The following FNIP1 variants were observed in gnomAD, a reference collection of about 807,000 sequenced individuals.
FNIP1 encodes folliculin interacting protein 1.
A neutral mutation model predicts 124.5 loss-of-function variants in FNIP1; 40 were observed. The ratio of observed to expected loss-of-function variants is 0.32; its 90% CI spans 0.25 to 0.42. The LOEUF (loss-of-function observed/expected upper bound fraction) is 0.42, where lower values mean the gene tolerates loss of function less well. Ranked by LOEUF, FNIP1 falls within the 10% of genes least tolerant of loss-of-function variation. FNIP1 has a pLI of 1.00. For synonymous variants in FNIP1, 472 were observed against 470.6 expected (o/e 1.00, Z -0.04); for missense variants, 1,176 against 1,403.7 (o/e 0.84, Z 2.59).
chr5:131,752,647 A>G (rs1770915558), intron 1 of FNIP1, among the ~76,000 whole-genome samples: 1 of 152,224 alleles, frequency 6.6e-6, no homozygotes, highest in Non-Finnish European at 1.5e-5. Context: ...GCAGTAAGCA[A>G]TAAACAATCC....
In FNIP1 at chr5:131,660,921, A is replaced by G. The variant is rs559835857; in HGVS notation, c.3109-8922T>C. 1.1e-4 allele frequency among the ~76,000 whole-genome samples: 16 copies of G among 152,170 alleles called. No homozygotes were observed. In the South Asian group the frequency reaches 3.3e-3, roughly 32 times the overall value. On this transcript the variant is annotated intron_variant, in intron 15 of 17. Coordinates refer to ENST00000510461, the MANE Select transcript of FNIP1 (RefSeq NM_133372.3). ...CTGCTGACCCATGGTGCATGGATTC[A>G]ATTGCAGTAGAGAAATTGTTCCTGT...
chr5:131,669,238 G>A (rs1269146058), intron 15 of FNIP1, among the ~76,000 whole-genome samples: 1 of 152,118 alleles, frequency 6.6e-6, no homozygotes, highest in East Asian at 1.9e-4. Context: ...TAAAAGCCTG[G>A]ATGCAGATGG....
intron 1 of FNIP1, among the ~76,000 whole-genome samples, chr5:131,787,167 C>A (rs1772244144): frequency 1.3e-5 from 2 of 152,202 alleles, no homozygotes; most frequent in Admixed American, 1.3e-4. Context: ...CTAAGCCAAT[C>A]AGGTCATGAT....
chr5:131,711,079 A>G (rs1350774234), intron 6 of FNIP1, among the ~76,000 whole-genome samples: 1 of 152,230 alleles, frequency 6.6e-6, no homozygotes, highest in African/African-American at 2.4e-5. Flanking sequence ...TGTGCCTACA[A>G]CTGCAGCGAG....
chr5:131,704,719 G>C (rs1371945497), intron 9 of FNIP1, among the ~76,000 whole-genome samples: 1 of 152,066 alleles, frequency 6.6e-6, no homozygotes, highest in Non-Finnish European at 1.5e-5. Flanking sequence ...ACTTAATGTA[G>C]ATTAAAAACT....
chr5:131,710,246 G>GT, intron 7 of FNIP1, among the ~76,000 whole-genome samples: 1 of 152,284 alleles, frequency 6.6e-6, no homozygotes, highest in South Asian at 2.1e-4. Flanking sequence ...AAACAAGACA[G>GT]TGTCACATTA....
At position 131,643,666 on chromosome 5, in the gene FNIP1, A is replaced by G. The variant is rs774707155; in HGVS notation, c.*1019T>C. On this transcript the variant is annotated 3_prime_UTR_variant, in exon 18 of 18. Transcript: ENST00000510461. ...TCTTAGAAAAAAAGAGAATAATTTT[A>G]AGAGTTATGAATAGTGTAAATTGAG... 1.3e-5 allele frequency: 2 copies of G among 152,740 alleles called. No homozygotes were observed. The highest frequency in any genetic ancestry group is 2.9e-5 in the Non-Finnish European group (2 of 68,028). The allele number at this position is 152,740 out of a possible 1,614,324, so 9.5% of individuals were successfully genotyped here.
intron 11 of FNIP1, among the ~76,000 whole-genome samples, chr5:131,692,810 C>T (rs927969014): frequency 1.3e-5 from 2 of 151,836 alleles, no homozygotes; most frequent in Admixed American, 1.3e-4. Flanking sequence ...GAGTTTGAGA[C>T]CAGCCTGGCC....
At chr5:131,791,456 A>G (rs535603222) in intron 1 of FNIP1, among the ~76,000 whole-genome samples, 1 of 152,382 alleles carries the variant, frequency 6.6e-6, no homozygotes, top group East Asian at 1.9e-4. Context: ...TATTGAAAAA[A>G]AGGGAATGTA....
intron 10 of FNIP1, among the ~76,000 whole-genome samples, chr5:131,700,899 A>C (rs1234733972): frequency 6.6e-6 from 1 of 152,234 alleles, no homozygotes; most frequent in Non-Finnish European, 1.5e-5. Context: ...GCATTCATTT[A>C]ATTTCATCTT....
chr5:131,755,089 G>A (rs1249669159), intron 1 of FNIP1, among the ~76,000 whole-genome samples: 2 of 152,154 alleles, frequency 1.3e-5, no homozygotes, highest in Admixed American at 6.5e-5. Flanking sequence ...AGGGGGCTGC[G>A]AGACAGCTGA....
chr5:131,697,810 A>T (rs9686594), intron 11 of FNIP1, among the ~76,000 whole-genome samples: 1 of 147,364 alleles, frequency 6.8e-6, no homozygotes, highest in African/African-American at 2.5e-5. Context: ...TACTAAAAAT[A>T]AAAAAAAAAT....
chr5:131,718,624 T>C (rs1769549679), intron 5 of FNIP1, among the ~76,000 whole-genome samples: 1 of 152,202 alleles, frequency 6.6e-6, no homozygotes, highest in African/African-American at 2.4e-5. Context: ...GTCAGTCCTG[T>C]CTTTAGGGTT....
intron 1 of FNIP1, among the ~76,000 whole-genome samples, chr5:131,791,135 T>C (rs994578248): frequency 3.3e-5 from 5 of 152,196 alleles, no homozygotes; most frequent in African/African-American, 1.2e-4. Flanking sequence ...ACCAATTACT[T>C]TGGAAAATGA....
intron 3 of FNIP1, among the ~76,000 whole-genome samples, chr5:131,722,342 C>A (rs1441821164): frequency 1.3e-5 from 2 of 152,152 alleles, no homozygotes; most frequent in Non-Finnish European, 1.5e-5. Context: ...AGCAACGCAA[C>A]CCCTAATTTG....
At chr5:131,705,483 G>T (rs1025862415) in intron 9 of FNIP1, among the ~76,000 whole-genome samples, 5 of 151,730 alleles carry the variant, frequency 3.3e-5, no homozygotes, top group African/African-American at 1.2e-4. Context: ...GAAAAGAATA[G>T]AAAAGATGTT....
chr5:131,794,321 T>C (rs1431973480), intron 1 of FNIP1, among the ~76,000 whole-genome samples: 3 of 148,224 alleles, frequency 2.0e-5, no homozygotes, highest in South Asian at 2.1e-4. Context: ...ACAATATCAA[T>C]ATTGAAGAGA....
chr5:131,796,998 C>A lies in FNIP1; in HGVS notation c.-77G>T. ...GCTCCTACAGCCGCCCCGCCACCCC[C>A]ATGGGCGCCTCAGTCATATGACAGA... On this transcript the variant is annotated 5_prime_UTR_variant, in exon 1 of 18. The change abolishes an upstream ATG in the 5' untranslated region. Coordinates refer to ENST00000510461, the MANE Select transcript of FNIP1 (RefSeq NM_133372.3). The A allele has an allele frequency of 7.5e-7, 1 of 1,326,148 alleles. No homozygotes were observed. Among genetic ancestry groups the A allele is most frequent in the South Asian group, 1.3e-5 (1 of 77,106 alleles). The allele number at this position is 1,326,148 out of a possible 1,614,324, so 82.1% of individuals were successfully genotyped here. A position where few individuals can be genotyped will look rare whatever the true frequency, so the allele number is the denominator to read the frequency against.
At chr5:131,730,178 G>A (rs868798357) in intron 3 of FNIP1, among the ~76,000 whole-genome samples, 1 of 152,316 alleles carries the variant, frequency 6.6e-6, no homozygotes, top group African/African-American at 2.4e-5. Context: ...AATAGAAGAA[G>A]GCAGGGGGAA....
Sources: allele counts gnomAD v4.1 joint callset (sites outside exome capture counted in the v4.1 genomes callset), GRCh38; gene constraint gnomAD v4.1.1; transcripts MANE v1.5; gene names NCBI Gene and HGNC (gene_info 2026-07-23, HGNC 2026-07-21).